The following ABCC8 variants were observed in gnomAD, a reference collection of about 807,000 sequenced individuals.
ABCC8 encodes ATP-binding cassette sub-family C member 8.
In ABCC8, 137 loss-of-function variants were observed where a neutral mutation model predicts 188.0. That is an observed-to-expected ratio of 0.73 (90% CI 0.63 to 0.84). ABCC8 has a LOEUF of 0.84. Ranked by LOEUF, ABCC8 falls within the 40% of genes least tolerant of loss-of-function variation. ABCC8 has a pLI of 0.00. For synonymous variants in ABCC8, 797 were observed against 846.5 expected (o/e 0.94, Z 1.01); for missense variants, 1,750 against 2,072.7 (o/e 0.84, Z 3.02).
intron 1 of ABCC8, 93 bp downstream of exon 1, chr11:17,476,536 C>G (rs981097606): frequency 6.7e-7 from 1 of 1,488,008 alleles, no homozygotes; most frequent in Non-Finnish European, 9.1e-7. Context: ...GGTCGCGGGC[C>G]GGAAGGGGAC....
intron 28 of ABCC8, among the ~76,000 whole-genome samples, chr11:17,403,269 C>G (rs2133432978): frequency 1.3e-5 from 2 of 152,300 alleles, no homozygotes; most frequent in Middle Eastern, 3.4e-3. Context: ...TCCATGGCAA[C>G]AGAATTGCCT....
rs144718518 is a variant in ABCC8 at position 17,432,027 on chromosome 11, C to T, written c.1671+177G>A. Among the ~76,000 whole-genome samples, 360 of 152,270 alleles carry T rather than the reference C, an allele frequency of 2.4e-3. 2 individuals are homozygous for T. The highest frequency in any genetic ancestry group is 7.4e-3 in the African/African-American group (309 of 41,558). On this transcript the variant is annotated intron_variant, in intron 11 of 38. Transcript: ENST00000389817. The stretch of plus-strand genomic sequence containing the variant: ...AGGCCTGGAGGCAGAGGCCCCTGTT[C>T]GGCTGGAGTTGGGGAGGGGCCACAC...
chr11:17,455,339 A>T (rs1248591823), intron 6 of ABCC8, among the ~76,000 whole-genome samples: 1 of 152,190 alleles, frequency 6.6e-6, no homozygotes, highest in Non-Finnish European at 1.5e-5. Flanking sequence ...GGAAAAGCCA[A>T]CTGATCATGT....
At chr11:17,416,983 C>G in intron 16 of ABCC8, 21 bp from the exon 17 acceptor site, 1 of 1,613,956 alleles carries the variant, frequency 6.2e-7, no homozygotes, top group Non-Finnish European at 8.5e-7. Context: ...ACAAATGGGA[C>G]AGACCAACAC....
chr11:17,401,551 G>C (rs1463711416), intron 29 of ABCC8, among the ~76,000 whole-genome samples: 6 of 152,124 alleles, frequency 3.9e-5, no homozygotes, highest in Non-Finnish European at 8.8e-5. Flanking sequence ...CCCTTGGCTG[G>C]TCCTTGTGCC....
intron 16 of ABCC8, among the ~76,000 whole-genome samples, chr11:17,420,172 C>T (rs182932091): frequency 5.9e-5 from 9 of 152,296 alleles, no homozygotes; most frequent in African/African-American, 1.9e-4. Flanking sequence ...GCTCCACAGC[C>T]CATTCATCCT....
intron 21 of ABCC8, among the ~76,000 whole-genome samples, chr11:17,410,968 C>T (rs1157243013): frequency 6.6e-6 from 1 of 152,182 alleles, no homozygotes; most frequent in African/African-American, 2.4e-5. Flanking sequence ...TAACCTCTCG[C>T]TTTCCCTTCT....
chr11:17,428,057 T>A (rs1955666366), intron 14 of ABCC8, 115 bp from the exon 15 acceptor site: 5 of 1,589,124 alleles, frequency 3.1e-6, no homozygotes, highest in Non-Finnish European at 4.3e-6. Flanking sequence ...TTCCAGCCCC[T>A]GGATCACTTC....
rs1045473640 is a variant in ABCC8, at chr11:17,413,320, C to G, written c.2475+74G>C. On this transcript the variant is annotated intron_variant, in intron 20 of 38. Transcript: ENST00000389817. Reference sequence around the variant, plus strand: ...CTCCTATTTCCTAGTTACCCATTGTCCTGAGTAGTGTCTCAGGGCATGGTA... The same window carrying G: ...CTCCTATTTCCTAGTTACCCATTGTGCTGAGTAGTGTCTCAGGGCATGGTA... 11 of 1,585,056 alleles carry G rather than the reference C, an allele frequency of 6.9e-6. No homozygotes were observed. The African/African-American group carries it at 8.1e-5, about 12-fold the overall frequency.
rs71047553 is a variant in ABCC8 at position 17,450,685 on chromosome 11, C to CTTTTT, written c.1177-2019_1177-2015dup. Among the ~76,000 whole-genome samples the CTTTTT allele has an allele frequency of 9.9e-3, 756 of 76,708 alleles. 84 individuals carry two copies. Among genetic ancestry groups the CTTTTT allele is most frequent in the African/African-American group, 0.042 (726 of 17,270 alleles). The allele number at this position is 76,708 out of a possible 152,430, so 50.3% of individuals were successfully genotyped here. On this transcript the variant is annotated intron_variant, in intron 7 of 38. Coordinates refer to ENST00000389817, the MANE Select transcript of ABCC8 (RefSeq NM_000352.6). ...GTGCTGGGATTACAGGCATGAGCCACTTTTTTTTTTTTTTTTTTTTTGAGA... is the reference window on the plus strand; with the variant it reads ...GTGCTGGGATTACAGGCATGAGCCACTTTTTTTTTTTTTTTTTTTTTTTTTTGAGA...
chr11:17,419,908 T>C (rs2133499651), intron 16 of ABCC8, among the ~76,000 whole-genome samples: 1 of 152,346 alleles, frequency 6.6e-6, no homozygotes, highest in East Asian at 1.9e-4. Flanking sequence ...CTCTGTTTCC[T>C]GATCTATAAA....
chr11:17,452,534 C>T (rs1017960377), intron 7 of ABCC8, among the ~76,000 whole-genome samples: 2 of 152,200 alleles, frequency 1.3e-5, no homozygotes, highest in Middle Eastern at 3.2e-3. Flanking sequence ...ATAGGGTTCG[C>T]ACTCCTATGA....
chr11:17,420,523 A>G (rs1324066433), intron 16 of ABCC8, among the ~76,000 whole-genome samples: 1 of 152,082 alleles, frequency 6.6e-6, no homozygotes, highest in African/African-American at 2.4e-5. Flanking sequence ...CAGCTCCCCA[A>G]AGGCTCCAGG....
At chr11:17,469,563 C>G (rs1482665723) in intron 3 of ABCC8, among the ~76,000 whole-genome samples, 1 of 152,100 alleles carries the variant, frequency 6.6e-6, no homozygotes, top group Non-Finnish European at 1.5e-5. Context: ...GCCCACCTCC[C>G]CCTCCTCTGT....
intron 10 of ABCC8, among the ~76,000 whole-genome samples, chr11:17,440,410 G>A (rs1956269867): frequency 6.6e-6 from 1 of 152,164 alleles, no homozygotes; most frequent in Admixed American, 6.5e-5. Context: ...AGGTTGAAGT[G>A]GGCCTGGGGC....
chr11:17,430,978 G>T lies in ABCC8; in HGVS notation c.1672-19C>A. 1.9e-6 allele frequency: 3 copies of T among 1,613,340 alleles called. No individual in the cohort carries two copies. The highest frequency in any genetic ancestry group is 2.5e-6 in the Non-Finnish European group (3 of 1,179,636). ...CGAAAGTCTGTGGACAGAGGCACAA[G>T]TGAGGCCAGGGTGGCCCAGGGTGTG... On this transcript the variant is annotated intron_variant, in intron 11 of 38. Coordinates refer to ENST00000389817, the MANE Select transcript of ABCC8 (RefSeq NM_000352.6).
At chr11:17,429,712 T>C (rs1400373777) in intron 12 of ABCC8, 1 of 152,180 alleles carries the variant, frequency 6.6e-6, no homozygotes, top group African/African-American at 2.4e-5. Context: ...CACAGAATCA[T>C]AGGGCTGGAG....
chr11:17,469,079 CTCCCT>C (rs1848336093), intron 3 of ABCC8, among the ~76,000 whole-genome samples: 1 of 134,302 alleles, frequency 7.4e-6, no homozygotes. Flanking sequence ...CCTTCCCTCC[CTCCCT>C]CCTTCCTTCC....
chr11:17,422,074 C>T (rs185019995), intron 16 of ABCC8, among the ~76,000 whole-genome samples: 1 of 152,328 alleles, frequency 6.6e-6, no homozygotes, highest in Non-Finnish European at 1.5e-5. Flanking sequence ...TTTGCAAGCA[C>T]GTCTTCTCCC....
Sources: allele counts gnomAD v4.1 joint callset (sites outside exome capture counted in the v4.1 genomes callset), GRCh38; gene constraint gnomAD v4.1.1; transcripts MANE v1.5; gene names NCBI Gene and HGNC (gene_info 2026-07-23, HGNC 2026-07-21).